The following ALS2CL variants were observed in gnomAD, a reference collection of about 807,000 sequenced individuals.
ALS2CL encodes the protein ALS2 C-terminal like.
A neutral mutation model predicts 127.9 loss-of-function variants in ALS2CL; 112 were observed. That is an observed-to-expected ratio of 0.88 (90% CI 0.75 to 1.02). ALS2CL has a LOEUF of 1.02. Ranked by LOEUF, ALS2CL falls within the 50% of genes least tolerant of loss-of-function variation. The pLI is 0.00. For synonymous variants in ALS2CL, 519 were observed against 527.6 expected, an observed-to-expected ratio of 0.98 and a Z score of 0.22; for missense variants, 1,174 against 1,236.7, an observed-to-expected ratio of 0.95 and a Z score of 0.76.
rs746145601 is a variant in ALS2CL, at chr3:46,671,103, C to T, written c.2782-39G>A. On this transcript the variant is annotated intron_variant, in intron 25 of 25. Coordinates refer to ENST00000318962, the MANE Select transcript of ALS2CL (RefSeq NM_147129.5). Reference sequence around the variant, plus strand: ...GGCAAGGCTGAGGCCAGTTGACCTGCCTGATCCCAACCACATGCACAGGAT... The same window carrying T: ...GGCAAGGCTGAGGCCAGTTGACCTGTCTGATCCCAACCACATGCACAGGAT... 11 of 1,586,648 alleles carry T rather than the reference C, an allele frequency of 6.9e-6. No homozygotes were observed. In the African/African-American group the frequency reaches 1.5e-4, roughly 21 times the overall value.
Position 46,676,412 on chromosome 3 carries a change from T to A in ALS2CL, c.2029-10A>T, listed in dbSNP as rs1323456300. The A allele has an allele frequency of 1.9e-6, 3 of 1,613,624 alleles. No homozygotes were observed. The highest frequency in any genetic ancestry group is 2.5e-6 in the Non-Finnish European group (3 of 1,179,892). ...GTGAGTTGCTCAGAGCCTGGGCCAG[T>A]GCATAGGCAACAGAGAGAGACTAAG... On this transcript the variant is annotated splice_polypyrimidine_tract_variant and intron_variant, in intron 18 of 25. Transcript: ENST00000318962.
chr3:46,683,234 G>T lies in ALS2CL; in HGVS notation c.1005C>A (p.Ser335=). The change falls in exon 10 of 26, where the codon TCC becomes TCA. Residue 335 remains serine (S), a synonymous_variant. Transcript: ENST00000318962. ...CTGCGCAGCGGCAGTCGGGAGGCTG[G>T]GAGGGCTCCAGGCCAGCCCCCAGCA... ...FPVLGAGLEP[S]QPPDCRCAEY... is the part of the protein sequence containing the mutation. 6.2e-7 allele frequency: 1 copy of T among 1,610,104 alleles called. No homozygotes were observed. The highest frequency in any genetic ancestry group is 8.5e-7 in the Non-Finnish European group (1 of 1,178,538).
At chr3:46,673,290 TG>T (rs1465673789) in intron 22 of ALS2CL, 48 bp downstream of exon 22, 2 of 1,472,236 alleles carry the variant, frequency 1.4e-6, no homozygotes, top group Admixed American at 4.1e-5. Flanking sequence ...CCTCAAAGCC[TG>T]CAGGACCTCT....
Position 46,671,922 on chromosome 3 carries a change from G to A in ALS2CL, c.2646C>T (p.Asp882=). The A allele has an allele frequency of 1.9e-6, 3 of 1,613,900 alleles. No homozygotes were observed. Among genetic ancestry groups the A allele is most frequent in the Non-Finnish European group, 1.7e-6 (2 of 1,180,018 alleles). The change falls in exon 24 of 26, where the codon GAC becomes GAT. Residue 882 remains aspartate (D), a synonymous_variant. Coordinates refer to ENST00000318962, the MANE Select transcript of ALS2CL (RefSeq NM_147129.5). ...CCACGTAGATGAGAAGTGGCAGCAG[G>A]TCGTCCATGGGCAGCTTGTACTCCC... is the stretch of plus-strand genomic sequence containing the variant. ...LGREYKLPMD[D]LLPLLIYVVS...
chr3:46,685,795 T>C, intron 6 of ALS2CL, 151 bp from the exon 7 acceptor site: 2 of 1,134,076 alleles, frequency 1.8e-6, no homozygotes, highest in Admixed American at 5.2e-5. Context: ...TAGGCAGAAA[T>C]GCACTGATTA....
chr3:46,676,387 G>A lies in ALS2CL; in HGVS notation c.2044C>T (p.Leu682=), dbSNP rs754540687. 58 of 1,613,812 alleles carry A rather than the reference G, an allele frequency of 3.6e-5. No individual in the cohort carries two copies. The highest frequency in any genetic ancestry group is 4.7e-5 in the Non-Finnish European group (56 of 1,179,996). The change falls in exon 19 of 26, where the codon CTG becomes TTG. Residue 682 remains leucine, a synonymous_variant. Coordinates refer to ENST00000318962, the MANE Select transcript of ALS2CL (RefSeq NM_147129.5). ...LYLRKALSNS[L]HPLGKLLRTL... is the part of the protein sequence containing the mutation. Reference sequence around the variant, plus strand: ...CGGAGCAGCTTTCCCAGGGGGTGCAGTGAGTTGCTCAGAGCCTGGGCCAGT... The same window carrying A: ...CGGAGCAGCTTTCCCAGGGGGTGCAATGAGTTGCTCAGAGCCTGGGCCAGT...
chr3:46,675,073 T>C, intron 20 of ALS2CL: 1 of 254,586 alleles, frequency 3.9e-6, no homozygotes, highest in Non-Finnish European at 7.5e-6. Flanking sequence ...CAGTTCCACC[T>C]CCTGGTTTGC....
At chr3:46,679,426 C>T in intron 14 of ALS2CL, 139 bp from the exon 15 acceptor site, 1 of 695,964 alleles carries the variant, frequency 1.4e-6, no homozygotes, top group Non-Finnish European at 2.4e-6. Context: ...TCACGCCCCA[C>T]AGGACTGTAC....
At position 46,670,019 on chromosome 3, in the gene ALS2CL, C is replaced by T. The variant is rs1698272146; in HGVS notation, c.*965G>A. 2 of 152,348 alleles carry T rather than the reference C, an allele frequency of 1.3e-5. No individual in the cohort carries two copies. The highest frequency in any genetic ancestry group is 1.3e-4 in the Admixed American group (2 of 15,282). 9.4% of individuals were successfully genotyped at this position (152,348 alleles called of 1,614,324 possible). Reference sequence around the variant, plus strand: ...TGCACAAATCCACCCTCTCCCTACGCTTTGCCCTGGACACTTTCAGAACAC... The same window carrying T: ...TGCACAAATCCACCCTCTCCCTACGTTTTGCCCTGGACACTTTCAGAACAC... On this transcript the variant is annotated 3_prime_UTR_variant, in exon 26 of 26. Coordinates refer to ENST00000318962, the MANE Select transcript of ALS2CL (RefSeq NM_147129.5). The surrounding 1 kb of genome is among the most constrained non-coding windows in gnomAD (Gnocchi z 5.5).
Position 46,686,969 on chromosome 3 carries a change from C to A in ALS2CL, c.534+14G>T, listed in dbSNP as rs767335605. The A allele has an allele frequency of 1.4e-5, 22 of 1,574,154 alleles. No individual in the cohort carries two copies. The highest frequency in any genetic ancestry group is 1.8e-5 in the Non-Finnish European group (21 of 1,164,266). On this transcript the variant is annotated intron_variant, in intron 5 of 25. Transcript: ENST00000318962. This position sits in a 1 kb window ranked among gnomAD's most constrained non-coding sequence, Gnocchi z 4.3. ...CCCTCGGCTTCCCCACATGCTGCTGCCCCTGGTACCCACCTCCCCAATGGT... is the reference window on the plus strand; with the variant it reads ...CCCTCGGCTTCCCCACATGCTGCTGACCCTGGTACCCACCTCCCCAATGGT...
chr3:46,677,085 T>C, intron 16 of ALS2CL, 63 bp from the exon 17 acceptor site: 2 of 1,537,486 alleles, frequency 1.3e-6, no homozygotes, highest in African/African-American at 1.4e-5. Flanking sequence ...TAGGCAGGAC[T>C]CTGCCCAGGC....
Position 46,686,917 on chromosome 3 carries a change from C to T in ALS2CL, c.534+66G>A, listed in dbSNP as rs1302915182. On this transcript the variant is annotated intron_variant, in intron 5 of 25. Coordinates refer to ENST00000318962, the MANE Select transcript of ALS2CL (RefSeq NM_147129.5). This position sits in a 1 kb window ranked among gnomAD's most constrained non-coding sequence, Gnocchi z 4.3. ...GGGTTCCTGAGTATAGGCTGAGCCCCCTGAGTCTGGGCCCTATCCCTCCCT... is the reference window on the plus strand; with the variant it reads ...GGGTTCCTGAGTATAGGCTGAGCCCTCTGAGTCTGGGCCCTATCCCTCCCT... 6.9e-7 allele frequency: 1 copy of T among 1,459,392 alleles called. No homozygotes were observed. Among genetic ancestry groups the T allele is most frequent in the Non-Finnish European group, 9.0e-7 (1 of 1,105,940 alleles). The allele number at this position is 1,459,392 out of a possible 1,614,324, so 90.4% of individuals were successfully genotyped here.
At chr3:46,687,589 C>T (rs1398546837) in intron 4 of ALS2CL, 30 bp downstream of exon 4, 2 of 1,609,846 alleles carry the variant, frequency 1.2e-6, no homozygotes, top group Non-Finnish European at 1.7e-6. Context: ...CCCACCCTGT[C>T]AGGGGCCAGT....
intron 4 of ALS2CL, 21 bp downstream of exon 4, chr3:46,687,598 G>A (rs757550819): frequency 6.2e-7 from 1 of 1,611,592 alleles, no homozygotes; most frequent in Non-Finnish European, 8.5e-7. Flanking sequence ...TCAGGGGCCA[G>A]TGCACCAGCC....
In ALS2CL at chr3:46,683,183, C is replaced by A. The variant is rs758705549; in HGVS notation, c.1056G>T (p.Arg352=). Residue 352 remains arginine (R), a synonymous_variant, in exon 10 of 26, where the codon CGG becomes CGT. Coordinates refer to ENST00000318962, the MANE Select transcript of ALS2CL (RefSeq NM_147129.5). ...CAEYTFQAEG[R]LCQATYEGEW... ...CGCCCTCGTAGGTGGCCTGGCAGAG[C>A]CGGCCCTCTGCCTGGAAGGTATATT... 6 of 1,604,696 alleles carry A rather than the reference C, an allele frequency of 3.7e-6. No individual in the cohort carries two copies. The African/African-American group carries it at 6.7e-5, about 18-fold the overall frequency.
chr3:46,687,997 T>A, intron 3 of ALS2CL, 101 bp downstream of exon 3: 2 of 1,418,042 alleles, frequency 1.4e-6, no homozygotes, highest in Non-Finnish European at 1.9e-6. Context: ...AACCTTTGCT[T>A]GAACCCTGAC....
At position 46,685,602 on chromosome 3, in the gene ALS2CL, G is replaced by T; in HGVS notation, c.709C>A (p.Gln237Lys). Residue 237 changes from glutamine to lysine, a missense_variant, in exon 7 of 26, where the codon CAG (glutamine) becomes AAG (lysine). Transcript: ENST00000318962. ...GGTGCGACCGTCACGGGTACGTCCTGGCTGTCCTGAAGGAGTCTGTGAGCA... is the reference window on the plus strand; with the variant it reads ...GGTGCGACCGTCACGGGTACGTCCTTGCTGTCCTGAAGGAGTCTGTGAGCA... Reference protein sequence around the residue: ...TPAHRLLQDSQDVPVTVAPLR... With the variant: ...TPAHRLLQDSKDVPVTVAPLR... 6.2e-7 allele frequency: 1 copy of T among 1,614,030 alleles called. No individual in the cohort carries two copies. The highest frequency in any genetic ancestry group is 1.1e-5 in the South Asian group (1 of 91,070).
rs1699834405 is a variant in ALS2CL at position 46,686,958 on chromosome 3, A to G, written c.534+25T>C. 6.4e-7 allele frequency: 1 copy of G among 1,552,636 alleles called. No individual in the cohort carries two copies. The highest frequency in any genetic ancestry group is 1.4e-5 in the African/African-American group (1 of 72,740). On this transcript the variant is annotated intron_variant, in intron 5 of 25. Coordinates refer to ENST00000318962, the MANE Select transcript of ALS2CL (RefSeq NM_147129.5). The surrounding 1 kb of genome is among the most constrained non-coding windows in gnomAD (Gnocchi z 4.3). ...ATCCCTCCCTTCCCTCGGCTTCCCCACATGCTGCTGCCCCTGGTACCCACC... is the reference window on the plus strand; with the variant it reads ...ATCCCTCCCTTCCCTCGGCTTCCCCGCATGCTGCTGCCCCTGGTACCCACC...
At chr3:46,671,198 C>T (rs1298644494) in intron 25 of ALS2CL, 134 bp from the exon 26 acceptor site, 1 of 1,058,142 alleles carries the variant, frequency 9.5e-7, no homozygotes, top group Non-Finnish European at 1.4e-6. Context: ...CAGCCCTCAG[C>T]CACAGTCTGC....
Sources: gnomAD v4.1 joint callset for allele counts on GRCh38, gnomAD v4.1.1 for gene constraint, Gnocchi (gnomAD v3.1) non-coding constraint, MANE v1.5 for transcripts, NCBI Gene and HGNC (gene_info 2026-07-23, HGNC 2026-07-21) for gene names.